Variants in MTCL3 observed in about 807,000 individuals in gnomAD.
MTCL3 encodes the protein MTCL family member 3.
chr6:127,502,206 T>C, the MTCL3 span, among the ~76,000 whole-genome samples: 13 of 152,228 alleles, frequency 8.5e-5, no homozygotes, highest in Non-Finnish European at 1.9e-4. Context: ...CAATAAAAAC[T>C]ACAATGCAAA....
chr6:127,505,807 A>G, the MTCL3 span, among the ~76,000 whole-genome samples: 2 of 152,194 alleles, frequency 1.3e-5, no homozygotes, highest in African/African-American at 4.8e-5. Context: ...TGCCATCTAT[A>G]TCTTTATATC....
the MTCL3 span, chr6:127,519,040 G>T: frequency 6.6e-6 from 1 of 151,876 alleles, no homozygotes; most frequent in Non-Finnish European, 1.5e-5. Flanking sequence ...GGCGGGGAGG[G>T]GGACGGGGGA....
chr6:127,516,330 G>A, the MTCL3 span: 6 of 1,595,896 alleles, frequency 3.8e-6, no homozygotes, highest in Non-Finnish European at 2.5e-6. Flanking sequence ...CGCCTCCTCG[G>A]ATGCTGGCGG....
the MTCL3 span, among the ~76,000 whole-genome samples, chr6:127,487,688 A>T: frequency 2.6e-5 from 4 of 152,104 alleles, no homozygotes; most frequent in Admixed American, 1.3e-4. Flanking sequence ...CAGGATCCCA[A>T]GCTTCATACT....
chr6:127,491,478 T>C, the MTCL3 span, among the ~76,000 whole-genome samples: 1 of 152,206 alleles, frequency 6.6e-6, no homozygotes, highest in African/African-American at 2.4e-5. Flanking sequence ...AGCAATAAAG[T>C]ATTTTAAAAT....
the MTCL3 span, among the ~76,000 whole-genome samples, chr6:127,480,856 G>A: frequency 6.6e-6 from 1 of 152,204 alleles, no homozygotes; most frequent in African/African-American, 2.4e-5. Flanking sequence ...TATCCCATCA[G>A]AGATAGCCTG....
At chr6:127,496,442 TA>T in the MTCL3 span, among the ~76,000 whole-genome samples, 2 of 152,210 alleles carry the variant, frequency 1.3e-5, no homozygotes, top group South Asian at 4.1e-4. Flanking sequence ...AAATATAAGC[TA>T]TCGAATGTAT....
the MTCL3 span, chr6:127,475,540 A>G: frequency 6.2e-7 from 1 of 1,612,276 alleles, no homozygotes; most frequent in Non-Finnish European, 8.5e-7. The surrounding 1 kb of genome is among the most constrained non-coding windows in gnomAD (Gnocchi z 7.3). Flanking sequence ...GAGCCGGTCG[A>G]TGGTCTTGCC....
At chr6:127,502,440 T>C in the MTCL3 span, among the ~76,000 whole-genome samples, 6 of 152,192 alleles carry the variant, frequency 3.9e-5, no homozygotes, top group Admixed American at 3.3e-4. Flanking sequence ...AAATGTGAGC[T>C]AGTGGATCCT....
chr6:127,513,930 C>T, the MTCL3 span, among the ~76,000 whole-genome samples: 3 of 152,054 alleles, frequency 2.0e-5, no homozygotes, highest in Non-Finnish European at 2.9e-5. Flanking sequence ...ACTAAGCACT[C>T]GACAAAAGTT....
the MTCL3 span, among the ~76,000 whole-genome samples, chr6:127,498,708 G>A: frequency 1.5e-4 from 23 of 152,026 alleles, no homozygotes; most frequent in Admixed American, 3.3e-4. Context: ...ACAAAATGTG[G>A]TATATACATA....
the MTCL3 span, chr6:127,481,496 G>T: frequency 2.0e-6 from 2 of 984,604 alleles, no homozygotes; most frequent in Non-Finnish European, 1.2e-6. Flanking sequence ...AACAGAGCAG[G>T]AACAGAGCAG....
chr6:127,489,100 T>C, the MTCL3 span, among the ~76,000 whole-genome samples: 1 of 152,252 alleles, frequency 6.6e-6, no homozygotes, highest in Non-Finnish European at 1.5e-5. Flanking sequence ...TTTGTGTCTC[T>C]GTGTTACATT....
chr6:127,478,758 C>G, the MTCL3 span, among the ~76,000 whole-genome samples: 1 of 152,056 alleles, frequency 6.6e-6, no homozygotes, highest in Non-Finnish European at 1.5e-5. Flanking sequence ...GTCACTCATG[C>G]CTGTAATCCT....
chr6:127,490,742 G>A, the MTCL3 span, among the ~76,000 whole-genome samples: 2 of 152,040 alleles, frequency 1.3e-5, no homozygotes, highest in East Asian at 1.9e-4. Context: ...GCTAGAACCC[G>A]GGATGCAGAG....
the MTCL3 span, among the ~76,000 whole-genome samples, chr6:127,490,860 T>C: frequency 6.6e-6 from 1 of 151,974 alleles, no homozygotes; most frequent in Non-Finnish European, 1.5e-5. Context: ...AAAAAGAATA[T>C]TCATGATTGA....
chr6:127,481,708 C>A, the MTCL3 span, among the ~76,000 whole-genome samples: 2 of 152,030 alleles, frequency 1.3e-5, no homozygotes, highest in Non-Finnish European at 2.9e-5. Context: ...TAATATCTAG[C>A]CAAGTGCTTT....
chr6:127,507,716 G>T, the MTCL3 span, among the ~76,000 whole-genome samples: 1 of 151,832 alleles, frequency 6.6e-6, no homozygotes, highest in Admixed American at 6.6e-5. Flanking sequence ...AGTGGCGTGT[G>T]CCAGTAGTCC....
the MTCL3 span, among the ~76,000 whole-genome samples, chr6:127,502,949 GT>G: frequency 6.6e-6 from 1 of 152,178 alleles, no homozygotes; most frequent in Non-Finnish European, 1.5e-5. Flanking sequence ...TATGTTCCTA[GT>G]TTTTGCTCCA....
Sources: allele counts gnomAD v4.1 joint callset (sites outside exome capture counted in the v4.1 genomes callset), GRCh38; gene constraint gnomAD v4.1.1; non-coding constraint Gnocchi (gnomAD v3.1); transcripts MANE v1.5; gene names NCBI Gene and HGNC (gene_info 2026-07-23, HGNC 2026-07-21).